ATP6V1H: variants seen among roughly 807,000 people sequenced by gnomAD.
ATP6V1H encodes the protein ATPase H+ transporting V1 subunit H.
A neutral mutation model predicts 71.7 loss-of-function variants in ATP6V1H; 39 were observed. The observed-to-expected ratio is 0.54, with a 90% CI of 0.42 to 0.71. The LOEUF (loss-of-function observed/expected upper bound fraction) is 0.71. ATP6V1H is among the 30% of genes least tolerant of loss of function. ATP6V1H has a pLI of 0.00. For missense variants in ATP6V1H, 509 were observed against 594.9 expected (o/e 0.86, Z 1.50); for synonymous variants, 192 against 199.3 (o/e 0.96, Z 0.31).
At chr8:53,751,710 C>G (rs1807805040) in intron 12 of ATP6V1H, among the ~76,000 whole-genome samples, 1 of 150,962 alleles carries the variant, frequency 6.6e-6, no homozygotes, top group African/African-American at 2.5e-5. Flanking sequence ...CGCTGTGTCA[C>G]CCAGATTAGA....
At chr8:53,750,648 G>A (rs1043035094) in intron 12 of ATP6V1H, among the ~76,000 whole-genome samples, 2 of 152,014 alleles carry the variant, frequency 1.3e-5, no homozygotes, top group African/African-American at 4.8e-5. Context: ...AACCGACAAA[G>A]GTTACTGTTT....
At chr8:53,816,109 A>G (rs1001790072) in intron 5 of ATP6V1H, among the ~76,000 whole-genome samples, 2 of 152,236 alleles carry the variant, frequency 1.3e-5, no homozygotes, top group Admixed American at 1.3e-4. Flanking sequence ...TTTAAAATAC[A>G]GTTTATTTCA....
intron 11 of ATP6V1H, among the ~76,000 whole-genome samples, chr8:53,758,443 T>C (rs1256701076): frequency 6.6e-6 from 1 of 152,196 alleles, no homozygotes; most frequent in Admixed American, 6.5e-5. Context: ...TGTCCCTAAC[T>C]ATCCCACTCA....
chr8:53,741,187 G>C (rs535608132), intron 13 of ATP6V1H, among the ~76,000 whole-genome samples: 46 of 152,188 alleles, frequency 3.0e-4, no homozygotes, highest in Non-Finnish European at 1.2e-4. Flanking sequence ...ACTACATCAA[G>C]TTCCTAAATT....
intron 4 of ATP6V1H, 36 bp from the exon 5 acceptor site, chr8:53,817,566 C>A: frequency 7.4e-7 from 1 of 1,354,434 alleles, no homozygotes; most frequent in Non-Finnish European, 1.0e-6. Flanking sequence ...CCAGTCAGAA[C>A]ACATTTTGCT....
At chr8:53,803,449 A>C (rs577117858) in intron 7 of ATP6V1H, among the ~76,000 whole-genome samples, 1 of 152,356 alleles carries the variant, frequency 6.6e-6, no homozygotes, top group South Asian at 2.1e-4. Flanking sequence ...AAAGAATCAC[A>C]GGTGTTATAT....
chr8:53,750,405 T>C lies in ATP6V1H; in HGVS notation c.1277+6150A>G, dbSNP rs1807750385. ...AAAGGATGGATAGGAAATGTGATAT[T>C]CAGTACACTAAATCCTCACTTAACA... On this transcript the variant is annotated intron_variant, in intron 12 of 13. Transcript: ENST00000359530. Among the ~76,000 whole-genome samples the C allele has an allele frequency of 2.6e-5, 4 of 152,290 alleles. No individual in the cohort carries two copies. In the South Asian group the frequency reaches 8.3e-4, roughly 32 times the overall value.
chr8:53,797,996 G>A (rs1331353172), intron 8 of ATP6V1H, among the ~76,000 whole-genome samples: 1 of 152,162 alleles, frequency 6.6e-6, no homozygotes, highest in Non-Finnish European at 1.5e-5. Flanking sequence ...ACTTTGGGCA[G>A]TAGAGGCAAT....
chr8:53,834,823 C>T (rs1169050342), intron 2 of ATP6V1H, among the ~76,000 whole-genome samples: 1 of 151,956 alleles, frequency 6.6e-6, no homozygotes, highest in Non-Finnish European at 1.5e-5. Context: ...CTCAGAGAAA[C>T]ACTGAATGTA....
chr8:53,756,892 C>T (rs142869903), intron 11 of ATP6V1H, among the ~76,000 whole-genome samples: 99 of 152,296 alleles, frequency 6.5e-4, no homozygotes, highest in African/African-American at 2.2e-3. Context: ...ATATCAGGGA[C>T]TCCCCCCTCA....
chr8:53,716,921 CTT>C (rs1358690960), intron 13 of ATP6V1H, among the ~76,000 whole-genome samples: 1 of 152,160 alleles, frequency 6.6e-6, no homozygotes, highest in East Asian at 1.9e-4. Flanking sequence ...AAGTTTTCCT[CTT>C]ATAAAAAAGC....
Position 53,817,497 on chromosome 8 carries a change from A to G in ATP6V1H, c.340T>C (p.Tyr114His), listed in dbSNP as rs753550685. 1 of 1,613,276 alleles carries G rather than the reference A, an allele frequency of 6.2e-7. No individual in the cohort carries two copies. Among genetic ancestry groups the G allele is most frequent in the South Asian group, 1.1e-5 (1 of 90,952 alleles). ...GCAGTGTTCTTGCTACATCTTGCAT[A>G]GTCAAAGAAAATGCTAACACGCTGA... ...NHQRVSIFFD[Y>H]ARCSKNTAWP... Residue 114 changes from tyrosine (Y) to histidine (H), a missense_variant, in exon 5 of 14, where the codon TAT becomes CAT. Tyr to His is a moderately conservative substitution (Grantham distance 83, BLOSUM62 2). This residue lies in a region of ATP6V1H where 297 missense variants were observed against 303.3 expected (regional missense o/e 0.98). Coordinates refer to ENST00000359530, the MANE Select transcript of ATP6V1H (RefSeq NM_015941.4).
In ATP6V1H at chr8:53,761,537, G is replaced by C. The variant is rs186852778; in HGVS notation, c.1176-4881C>G. Among the ~76,000 whole-genome samples the C allele has an allele frequency of 4.5e-3, 679 of 152,122 alleles. 3 individuals carry two copies. The highest frequency in any genetic ancestry group is 8.1e-3 in the Non-Finnish European group (553 of 68,004). On this transcript the variant is annotated intron_variant, in intron 11 of 13. Coordinates refer to ENST00000359530, the MANE Select transcript of ATP6V1H (RefSeq NM_015941.4). Reference sequence around the variant, plus strand: ...ATGCATAATGCTTTTGTAATAACTTGTAAAACGTTCCCCTCCACTATATTC... The same window carrying C: ...ATGCATAATGCTTTTGTAATAACTTCTAAAACGTTCCCCTCCACTATATTC...
chr8:53,723,603 A>G (rs574627650), intron 13 of ATP6V1H, among the ~76,000 whole-genome samples: 1 of 152,338 alleles, frequency 6.6e-6, no homozygotes, highest in South Asian at 2.1e-4. Flanking sequence ...TTGGCTTCAT[A>G]ACAGACTCCA....
At chr8:53,786,574 C>T (rs1809392059) in intron 9 of ATP6V1H, among the ~76,000 whole-genome samples, 1 of 152,190 alleles carries the variant, frequency 6.6e-6, no homozygotes, top group Admixed American at 6.5e-5. Flanking sequence ...GAACCTGGTA[C>T]CTCAGTTGGA....
At chr8:53,725,843 T>C (rs574033532) in intron 13 of ATP6V1H, among the ~76,000 whole-genome samples, 4 of 152,058 alleles carry the variant, frequency 2.6e-5, no homozygotes, top group Admixed American at 2.6e-4. Flanking sequence ...TTCTCCTTTA[T>C]AAAGAGCTCT....
At chr8:53,760,001 C>A (rs556554961) in intron 11 of ATP6V1H, among the ~76,000 whole-genome samples, 1 of 152,182 alleles carries the variant, frequency 6.6e-6, no homozygotes, top group Non-Finnish European at 1.5e-5. Context: ...AGCACTAGTA[C>A]CTGTCATTCA....
chr8:53,740,353 C>G (rs930255917), intron 13 of ATP6V1H, among the ~76,000 whole-genome samples: 1 of 152,156 alleles, frequency 6.6e-6, no homozygotes, highest in African/African-American at 2.4e-5. Context: ...ACAAAAACTT[C>G]AGGAATAATG....
intron 2 of ATP6V1H, among the ~76,000 whole-genome samples, chr8:53,837,426 C>T (rs1811193276): frequency 6.7e-6 from 1 of 150,174 alleles, no homozygotes; most frequent in Non-Finnish European, 1.5e-5. Flanking sequence ...AGAAAATACG[C>T]AAATACAAAA....
Sources: allele counts gnomAD v4.1 joint callset (sites outside exome capture counted in the v4.1 genomes callset), GRCh38; gene constraint gnomAD v4.1.1; regional missense constraint gnomAD v4.1.1; transcripts MANE v1.5; gene names NCBI Gene and HGNC (gene_info 2026-07-23, HGNC 2026-07-21).